SVIL: variants seen among roughly 807,000 people sequenced by gnomAD.
The protein encoded by SVIL is archvillin.
In SVIL, 101 loss-of-function variants were observed where a neutral mutation model predicts 240.4. The ratio of observed to expected loss-of-function variants is 0.42; its 90% confidence interval spans 0.36 to 0.50. SVIL has a LOEUF of 0.50. Among genes scored for constraint, SVIL ranks in the 20% least tolerant of loss-of-function variants. The pLI is 0.01. For synonymous variants in SVIL, 999 were observed against 1,100.0 expected (o/e 0.91, Z 1.82); for missense variants, 2,512 against 2,818.7 (o/e 0.89, Z 2.46).
In SVIL at chr10:29,470,429, A is replaced by C. The variant is rs1945430131; in HGVS notation, c.5690T>G (p.Leu1897Arg). Residue 1897 changes from leucine to arginine, a missense_variant, in exon 32 of 38, where the codon CTG becomes CGG. Leu to Arg is a moderately radical substitution (Grantham distance 102). This residue lies in a region of SVIL where 797 missense variants were observed against 925.3 expected (regional missense o/e 0.86). Coordinates refer to ENST00000355867, the MANE Select transcript of SVIL (RefSeq NM_021738.3). The stretch of plus-strand genomic sequence containing the variant: ...GCTGCTACAGTGACAGGCCACTTCC[A>C]GCAAATTCCCTTCCACGGGCACCTC... Reference protein sequence around the residue: ...RGEVPVEGNLLEVACHCSSLR... With the variant: ...RGEVPVEGNLREVACHCSSLR... The C allele has an allele frequency of 6.2e-7, 1 of 1,614,092 alleles. No individual in the cohort carries two copies.
chr10:29,669,712 G>A (rs1337354208), intron 2 of SVIL, among the ~76,000 whole-genome samples: 2 of 152,168 alleles, frequency 1.3e-5, no homozygotes, highest in Non-Finnish European at 2.9e-5. Flanking sequence ...CGAAGGTGCC[G>A]TTGATGGAGA....
intron 36 of SVIL, 30 bp from the exon 37 acceptor site, chr10:29,458,619 G>T: frequency 6.2e-7 from 1 of 1,602,978 alleles, no homozygotes; most frequent in Non-Finnish European, 8.5e-7. Context: ...AGAGAGGAGA[G>T]CTCGTGTCCT....
chr10:29,711,809 T>G (rs1247089), intron 1 of SVIL: 93,173 of 151,378 alleles, frequency 0.62, 29,334 homozygotes, highest in African/African-American at 0.74. Flanking sequence ...TGGTAAAAAT[T>G]AGCAGAATGA....
chr10:29,530,744 C>A, intron 10 of SVIL, 76 bp from the exon 11 acceptor site: 1 of 1,534,864 alleles, frequency 6.5e-7, no homozygotes. Flanking sequence ...TCTTTCAGGG[C>A]TGACCTGGAA....
At chr10:29,732,461 T>C (rs57982496) in intron 1 of SVIL, among the ~76,000 whole-genome samples, 49,644 of 152,072 alleles carry the variant, frequency 0.33, 8,993 homozygotes, top group South Asian at 0.48. Flanking sequence ...ATATAGAGTA[T>C]ATTTGCTCAT....
chr10:29,666,093 T>A (rs1219695523), intron 2 of SVIL, among the ~76,000 whole-genome samples: 1 of 152,188 alleles, frequency 6.6e-6, no homozygotes, highest in Non-Finnish European at 1.5e-5. Flanking sequence ...AATTTTTTTA[T>A]TTTTTATAAA....
At chr10:29,520,884 T>C (rs1950515585) in intron 16 of SVIL, among the ~76,000 whole-genome samples, 1 of 145,650 alleles carries the variant, frequency 6.9e-6, no homozygotes, top group African/African-American at 2.6e-5. Flanking sequence ...ACCATTGCAC[T>C]CTAGTCTGGG....
At chr10:29,570,887 T>C (rs544357947) in intron 1 of SVIL, among the ~76,000 whole-genome samples, 1 of 152,202 alleles carries the variant, frequency 6.6e-6, no homozygotes, top group African/African-American at 2.4e-5. Context: ...GGAGAATACA[T>C]AGGGCAAAAT....
chr10:29,465,399 T>C (rs1291765873), intron 34 of SVIL, among the ~76,000 whole-genome samples, 196 bp downstream of exon 34: 1 of 152,208 alleles, frequency 6.6e-6, no homozygotes, highest in Non-Finnish European at 1.5e-5. Flanking sequence ...CCTTATGCTA[T>C]AAAGTGTGGC....
rs376203305 is a variant in SVIL at position 29,532,089 on chromosome 10, C to T, written c.1922G>A (p.Arg641His). Reference sequence around the variant, plus strand: ...TCTACTTTCACCAGGAGAAAAATAGCGTCTTGGTTTCCGGGACCCTCTCTC... The same window carrying T: ...TCTACTTTCACCAGGAGAAAAATAGTGTCTTGGTTTCCGGGACCCTCTCTC... ...ERERGSRKPRRYFSPGESRKT... is the reference protein window; with the variant it reads ...ERERGSRKPRHYFSPGESRKT... Residue 641 changes from arginine to histidine, a missense_variant, in exon 9 of 38, where the codon CGC becomes CAC. Transcript: ENST00000355867. The T allele has an allele frequency of 5.0e-6, 8 of 1,614,078 alleles. No individual in the cohort carries two copies. Among genetic ancestry groups the T allele is most frequent in the Admixed American group, 3.3e-5 (2 of 60,022 alleles).
Position 29,524,731 on chromosome 10 carries a change from T to C in SVIL, c.2343-16A>G, listed in dbSNP as rs760756992. 3 of 1,612,658 alleles carry C rather than the reference T, an allele frequency of 1.9e-6. No individual in the cohort carries two copies. Among genetic ancestry groups the C allele is most frequent in the Admixed American group, 3.3e-5 (2 of 59,842 alleles). ...GGCCTGCAATCTGAAAAAAATAAAATGTCAGCAACACATATACCAACAAAC... is the reference window on the plus strand; with the variant it reads ...GGCCTGCAATCTGAAAAAAATAAAACGTCAGCAACACATATACCAACAAAC... On this transcript the variant is annotated splice_polypyrimidine_tract_variant and intron_variant, in intron 13 of 37. Coordinates refer to ENST00000355867, the MANE Select transcript of SVIL (RefSeq NM_021738.3).
intron 3 of SVIL, among the ~76,000 whole-genome samples, chr10:29,650,342 C>T (rs1051272558): frequency 1.3e-4 from 20 of 151,956 alleles, no homozygotes; most frequent in Non-Finnish European, 2.8e-4. Flanking sequence ...TGGTAAGAGC[C>T]GTGGGCAATG....
At chr10:29,466,294 A>G (rs918533802) in intron 33 of SVIL, among the ~76,000 whole-genome samples, 7 of 151,986 alleles carry the variant, frequency 4.6e-5, no homozygotes, top group Non-Finnish European at 7.4e-5. Context: ...ACATGTATAT[A>G]AATATACATC....
At chr10:29,570,998 A>C (rs1365087141) in intron 1 of SVIL, among the ~76,000 whole-genome samples, 1 of 152,216 alleles carries the variant, frequency 6.6e-6, no homozygotes, top group Non-Finnish European at 1.5e-5. Context: ...AAAGCTCCCA[A>C]ATAGCTGGAA....
rs1454890671 is a variant in SVIL at position 29,522,631 on chromosome 10, T to C, written c.3168A>G (p.Ala1056=). Residue 1056 remains alanine, a synonymous_variant, in exon 16 of 38, where the codon GCA becomes GCG. Coordinates refer to ENST00000355867, the MANE Select transcript of SVIL (RefSeq NM_021738.3). ...VMKRKFSLRA[A]EFGEPTSEQT... The stretch of plus-strand genomic sequence containing the variant: ...GCTCGGAAGTGGGCTCCCCGAACTC[T>C]GCCGCTGGGAAGGAAAAGAGCAACA... 1 of 1,613,862 alleles carries C rather than the reference T, an allele frequency of 6.2e-7. No individual in the cohort carries two copies. The highest frequency in any genetic ancestry group is 1.7e-5 in the Admixed American group (1 of 60,004).
At position 29,484,328 on chromosome 10, in the gene SVIL, C is replaced by T. The variant is rs1405793005; in HGVS notation, c.4955+328G>A. On this transcript the variant is annotated intron_variant, in intron 27 of 37. Coordinates refer to ENST00000355867, the MANE Select transcript of SVIL (RefSeq NM_021738.3). The surrounding 1 kb of genome is among the most constrained non-coding windows in gnomAD (Gnocchi z 4.7). The stretch of plus-strand genomic sequence containing the variant: ...CCAGACCCGGGGAAGCCTTTCAGAT[C>T]CGCATGTAATTTGTTTAAACAATTG... Among the ~76,000 whole-genome samples, 2 of 152,162 alleles carry T rather than the reference C, an allele frequency of 1.3e-5. No individual in the cohort carries two copies. Among genetic ancestry groups the T allele is most frequent in the African/African-American group, 2.4e-5 (1 of 41,434 alleles).
intron 29 of SVIL, among the ~76,000 whole-genome samples, chr10:29,474,904 G>A (rs1247423473): frequency 6.6e-6 from 1 of 152,188 alleles, no homozygotes; most frequent in Non-Finnish European, 1.5e-5. Flanking sequence ...AACTAATCTG[G>A]ATTTCATGTC....
chr10:29,483,401 T>G (rs2132365893), intron 27 of SVIL: 1 of 152,342 alleles, frequency 6.6e-6, no homozygotes, highest in South Asian at 2.1e-4. Context: ...TGGCTGCATC[T>G]TAAAATCCCT....
intron 1 of SVIL, among the ~76,000 whole-genome samples, chr10:29,570,093 G>A (rs1955315349): frequency 6.6e-6 from 1 of 152,204 alleles, no homozygotes; most frequent in African/African-American, 2.4e-5. Flanking sequence ...AGGGGCAGAA[G>A]CCCAAGGAAA....
Sources: allele counts gnomAD v4.1 joint callset (sites outside exome capture counted in the v4.1 genomes callset), GRCh38; gene constraint gnomAD v4.1.1; regional missense constraint gnomAD v4.1.1; non-coding constraint Gnocchi (gnomAD v3.1); transcripts MANE v1.5; gene names NCBI Gene and HGNC (gene_info 2026-07-23, HGNC 2026-07-21).